The following CFAP20DC variants were observed in gnomAD, a reference collection of about 807,000 sequenced individuals.
CFAP20DC encodes the protein protein CFAP20DC.
In CFAP20DC, 84 loss-of-function variants were observed where a neutral mutation model predicts 101.7. That is an observed-to-expected ratio of 0.83 (90% CI 0.69 to 0.99). CFAP20DC has a LOEUF of 0.99. Among genes scored for constraint, CFAP20DC ranks in the 50% least tolerant of loss-of-function variants. The pLI is 0.00. For missense variants in CFAP20DC, 1,007 were observed against 970.3 expected (o/e 1.04, Z -0.50); for synonymous variants, 359 against 351.2 (o/e 1.02, Z -0.25).
intron 5 of CFAP20DC, among the ~76,000 whole-genome samples, chr3:58,915,826 T>C (rs2107455494): frequency 6.6e-6 from 1 of 152,272 alleles, no homozygotes; most frequent in Non-Finnish European, 1.5e-5. Flanking sequence ...TGTCAACTCA[T>C]TTAACTGTTT....
intron 4 of CFAP20DC, among the ~76,000 whole-genome samples, chr3:58,981,294 T>C (rs891080139): frequency 6.6e-5 from 10 of 151,980 alleles, no homozygotes; most frequent in Non-Finnish European, 1.0e-4. Context: ...AGGTAATTTA[T>C]AGATTCAATG....
At chr3:59,042,852 A>C (rs1439603016) in intron 3 of CFAP20DC, among the ~76,000 whole-genome samples, 4 of 152,160 alleles carry the variant, frequency 2.6e-5, no homozygotes, top group African/African-American at 4.8e-5. Flanking sequence ...CAGACTCTCA[A>C]CCTATTTTAA....
chr3:58,735,772 C>G (rs2067739081), intron 3 of CFAP20DC, among the ~76,000 whole-genome samples: 1 of 152,076 alleles, frequency 6.6e-6, no homozygotes, highest in Non-Finnish European at 1.5e-5. Context: ...CAACAACTAG[C>G]AAAACATGGA....
intron 12 of CFAP20DC, among the ~76,000 whole-genome samples, chr3:58,855,236 A>G (rs1212917096): frequency 1.3e-5 from 2 of 152,220 alleles, no homozygotes; most frequent in Non-Finnish European, 2.9e-5. Context: ...ACATGAAAAA[A>G]TGCTCACCAT....
chr3:58,864,971 T>A lies in CFAP20DC; in HGVS notation c.1259-1079A>T, dbSNP rs1576011343. On this transcript the variant is annotated intron_variant, in intron 11 of 16. Coordinates refer to ENST00000482387, the MANE Select transcript of CFAP20DC (RefSeq NM_001394063.1). The surrounding 1 kb of genome is among the most constrained non-coding windows in gnomAD (Gnocchi z 4.7). ...TCATATCACATTGAGATAGAGTTTA[T>A]AGCTCTATGATCCTGATGAATTGAA... 6.6e-6 allele frequency among the ~76,000 whole-genome samples: 1 copy of A among 152,200 alleles called. No homozygotes were observed. Among genetic ancestry groups the A allele is most frequent in the Non-Finnish European group, 1.5e-5 (1 of 68,034 alleles).
chr3:58,811,541 T>G (rs988029060), intron 14 of CFAP20DC, among the ~76,000 whole-genome samples: 1 of 152,026 alleles, frequency 6.6e-6, no homozygotes, highest in African/African-American at 2.4e-5. Context: ...TTATACCTTA[T>G]AAAAAAATTA....
chr3:58,762,944 G>A (rs1019264180), intron 15 of CFAP20DC, among the ~76,000 whole-genome samples: 3 of 152,186 alleles, frequency 2.0e-5, no homozygotes, highest in African/African-American at 7.2e-5. Flanking sequence ...TGGCTAACCT[G>A]ACCTTTCTCT....
At chr3:58,759,559 T>C (rs942717309) in intron 15 of CFAP20DC, among the ~76,000 whole-genome samples, 2 of 152,240 alleles carry the variant, frequency 1.3e-5, no homozygotes, top group African/African-American at 4.8e-5. Context: ...TTTGTCAATT[T>C]TGGCTTTTGT....
Position 59,015,547 on chromosome 3 carries a change from G to A in CFAP20DC, c.278+24010C>T, listed in dbSNP as rs1361898705. On this transcript the variant is annotated intron_variant, in intron 4 of 16. Coordinates refer to ENST00000482387, the MANE Select transcript of CFAP20DC (RefSeq NM_001394063.1). The surrounding 1 kb of genome is among the most constrained non-coding windows in gnomAD (Gnocchi z 5.4). Reference sequence around the variant, plus strand: ...GAAAGAAAAAGGAAGAGGAAAAGAAGGAAAGAGGAAGGAGGAGGGTTGGAG... The same window carrying A: ...GAAAGAAAAAGGAAGAGGAAAAGAAAGAAAGAGGAAGGAGGAGGGTTGGAG... Among the ~76,000 whole-genome samples, 1 of 151,188 alleles carries A rather than the reference G, an allele frequency of 6.6e-6. No homozygotes were observed.
chr3:59,044,918 T>C (rs1699721391), intron 3 of CFAP20DC, among the ~76,000 whole-genome samples: 1 of 151,964 alleles, frequency 6.6e-6, no homozygotes, highest in African/African-American at 2.4e-5. Context: ...CAGGTTTCCC[T>C]GGATCATCTT....
At chr3:58,774,382 C>CTT (rs1179161987) in intron 15 of CFAP20DC, among the ~76,000 whole-genome samples, 1 of 152,168 alleles carries the variant, frequency 6.6e-6, no homozygotes, top group Non-Finnish European at 1.5e-5. Flanking sequence ...TTCTTTTACA[C>CTT]TTTATTTCTT....
At chr3:59,016,593 T>C (rs1157329849) in intron 4 of CFAP20DC, among the ~76,000 whole-genome samples, 3 of 152,176 alleles carry the variant, frequency 2.0e-5, no homozygotes, top group African/African-American at 4.8e-5. Flanking sequence ...ACTGTAATCA[T>C]TACACATTGT....
intron 16 of CFAP20DC, among the ~76,000 whole-genome samples, chr3:58,749,500 C>T (rs1021314766): frequency 6.6e-6 from 1 of 152,196 alleles, no homozygotes; most frequent in Admixed American, 6.5e-5. Flanking sequence ...TTGGATATTA[C>T]ATCTATAAAA....
chr3:58,827,569 T>C (rs1254885625), intron 14 of CFAP20DC, among the ~76,000 whole-genome samples: 1 of 152,234 alleles, frequency 6.6e-6, no homozygotes, highest in Non-Finnish European at 1.5e-5. Context: ...GGCTTCCTTT[T>C]GGAACTTGGA....
At chr3:58,773,077 A>C (rs2107511080) in intron 15 of CFAP20DC, among the ~76,000 whole-genome samples, 1 of 151,832 alleles carries the variant, frequency 6.6e-6, no homozygotes, top group African/African-American at 2.4e-5. Context: ...TGAGATCTAT[A>C]AGAAAACCCT....
intron 6 of CFAP20DC, chr3:58,887,340 G>A (rs1246140169): frequency 6.6e-6 from 1 of 152,132 alleles, no homozygotes; most frequent in Non-Finnish European, 1.5e-5. Context: ...TAATTTCCAT[G>A]TCAATGCCAA....
At chr3:59,035,249 T>C (rs1038575685) in intron 4 of CFAP20DC, among the ~76,000 whole-genome samples, 5 of 152,084 alleles carry the variant, frequency 3.3e-5, no homozygotes, top group African/African-American at 1.2e-4. Flanking sequence ...GGGAAAGATC[T>C]AAAATCGACA....
rs2107732305 is a variant in CFAP20DC at position 58,806,405 on chromosome 3, AAGG to A, written c.2224_2226del (p.Pro742del). On this transcript the variant is annotated inframe_deletion, in exon 15 of 17. Transcript: ENST00000482387. ...ATTAATGATTCTTACCGGGGATTAG[AAGG>A]AGAAGGTGGGTTCATTTCTTTCTGA... 2.5e-6 allele frequency: 4 copies of A among 1,602,318 alleles called. No individual in the cohort carries two copies. The highest frequency in any genetic ancestry group is 3.3e-5 in the Admixed American group (2 of 59,994).
chr3:59,037,619 C>T (rs1042096399), intron 4 of CFAP20DC, among the ~76,000 whole-genome samples: 7 of 151,926 alleles, frequency 4.6e-5, no homozygotes, highest in Admixed American at 6.6e-5. Context: ...ATCATTAAAA[C>T]GTCAGGAAAC....
Sources: gnomAD v4.1 joint callset for allele counts (sites outside exome capture counted in the v4.1 genomes callset) on GRCh38, gnomAD v4.1.1 for gene constraint, Gnocchi (gnomAD v3.1) non-coding constraint, MANE v1.5 for transcripts, NCBI Gene and HGNC (gene_info 2026-07-23, HGNC 2026-07-21) for gene names.